MLX: variants seen among roughly 807,000 people sequenced by gnomAD.
MLX encodes the protein MAX dimerization protein MLX, also known as max-like protein X.
A neutral mutation model predicts 33.0 loss-of-function variants in MLX; 15 were observed. That is an observed-to-expected ratio of 0.45 (90% CI 0.30 to 0.70). The LOEUF is 0.70. Ranked by LOEUF, MLX falls within the 30% of genes least tolerant of loss-of-function variation. The pLI is 0.07. For missense variants in MLX, 285 were observed against 306.3 expected (o/e 0.93, Z 0.52); for synonymous variants, 115 against 115.6 (o/e 0.99, Z 0.03).
At chr17:42,567,468 C>A in intron 1 of MLX, 151 bp from the exon 2 acceptor site, 1 of 1,421,158 alleles carries the variant, frequency 7.0e-7, no homozygotes, top group African/African-American at 1.4e-5. Context: ...ATTAAGCTGC[C>A]CGCGCACCCC....
At chr17:42,569,631 A>G in intron 6 of MLX, 25 bp downstream of exon 6, 1 of 1,581,884 alleles carries the variant, frequency 6.3e-7, no homozygotes, top group Non-Finnish European at 8.7e-7. Flanking sequence ...GAATGGGGGG[A>G]ACCAGAACTT....
rs1567910946 is a variant in MLX at position 42,572,492 on chromosome 17, A to G, written c.*889A>G. 2.2e-6 allele frequency: 1 copy of G among 454,368 alleles called. No individual in the cohort carries two copies. Among genetic ancestry groups the G allele is most frequent in the Admixed American group, 2.4e-5 (1 of 42,552 alleles). 28.1% of individuals were successfully genotyped at this position (454,368 alleles called of 1,614,324 possible). On this transcript the variant is annotated 3_prime_UTR_variant, in exon 8 of 8. Transcript: ENST00000435881. ...GGGTGGGGTGAAAAGCGTACAAAAG[A>G]TACTTAAAAGGGCTCCTGGGGTACA...
chr17:42,569,385 G>T (rs544151222), intron 5 of MLX, 82 bp downstream of exon 5: 1 of 1,522,740 alleles, frequency 6.6e-7, no homozygotes, highest in Non-Finnish European at 9.1e-7. Flanking sequence ...CCCATGGCTC[G>T]GCCTTGGTGT....
In MLX at chr17:42,567,112, C is replaced by A. The variant is rs751670176; in HGVS notation, c.-13C>A. On this transcript the variant is annotated 5_prime_UTR_variant, in exon 1 of 8. Transcript: ENST00000435881. ...CCCGCCCGCTGGCCCGTTTCCGGTCCGGTGGGTACAAGATGACGGAGCCGG... is the reference window on the plus strand; with the variant it reads ...CCCGCCCGCTGGCCCGTTTCCGGTCAGGTGGGTACAAGATGACGGAGCCGG... The A allele has an allele frequency of 2.4e-6, 3 of 1,245,518 alleles. No homozygotes were observed. Among genetic ancestry groups the A allele is most frequent in the African/African-American group, 1.5e-5 (1 of 64,634 alleles). 77.2% of individuals were successfully genotyped at this position (1,245,518 alleles called of 1,614,324 possible).
chr17:42,571,706 T>C lies in MLX; in HGVS notation c.*103T>C. ...GAGACTGGACTACAACACCTCACAC[T>C]GGTCAGCTGGTTTCTACTTGGTGTT... On this transcript the variant is annotated 3_prime_UTR_variant, in exon 8 of 8. Coordinates refer to ENST00000435881, the MANE Select transcript of MLX (RefSeq NM_198204.2). The C allele has an allele frequency of 9.4e-7, 1 of 1,063,564 alleles. No individual in the cohort carries two copies. Among genetic ancestry groups the C allele is most frequent in the South Asian group, 1.3e-5 (1 of 78,734 alleles). 65.9% of individuals were successfully genotyped at this position (1,063,564 alleles called of 1,614,324 possible).
Position 42,567,249 on chromosome 17 carries a change from C to T in MLX, c.42+83C>T, listed in dbSNP as rs754281479. On this transcript the variant is annotated intron_variant, in intron 1 of 7. Transcript: ENST00000435881. ...AGGGGGGCCGGAAGACGAGGGGCTT[C>T]CCTCCTGTCCCCAAAGTCCCCCACG... 86 of 1,324,890 alleles carry T rather than the reference C, an allele frequency of 6.5e-5. No individual in the cohort carries two copies. Among genetic ancestry groups the T allele is most frequent in the Non-Finnish European group, 8.0e-5 (83 of 1,031,128 alleles). 82.1% of individuals were successfully genotyped at this position (1,324,890 alleles called of 1,614,324 possible).
At position 42,572,208 on chromosome 17, in the gene MLX, C is replaced by A; in HGVS notation, c.*605C>A. 2 of 368,654 alleles carry A rather than the reference C, an allele frequency of 5.4e-6. No individual in the cohort carries two copies. The highest frequency in any genetic ancestry group is 1.1e-5 in the Non-Finnish European group (2 of 188,070). 22.8% of individuals were successfully genotyped at this position (368,654 alleles called of 1,614,324 possible). A position where few individuals can be genotyped will look rare whatever the true frequency, so the allele number is the denominator to read the frequency against. On this transcript the variant is annotated 3_prime_UTR_variant, in exon 8 of 8. Coordinates refer to ENST00000435881, the MANE Select transcript of MLX (RefSeq NM_198204.2). ...GGCCACCAGGTTCCTCCCCTCACCC[C>A]ATATTCCATCACCTTCCTCCTCTGC...
At chr17:42,568,350 G>C (rs2093017297) in intron 2 of MLX, 120 bp from the exon 3 acceptor site, 1 of 650,874 alleles carries the variant, frequency 1.5e-6, no homozygotes, top group South Asian at 1.9e-5. Flanking sequence ...GCGACTGAGC[G>C]AGACTCTGTC....
In MLX at chr17:42,571,788, A is replaced by C. The variant is rs367596347; in HGVS notation, c.*185A>C. On this transcript the variant is annotated 3_prime_UTR_variant, in exon 8 of 8. Transcript: ENST00000435881. Reference sequence around the variant, plus strand: ...GGAGCCGCGGTGTTTGTTTTGTGAAAGCTTCTGATTAATTTATTATATTGA... The same window carrying C: ...GGAGCCGCGGTGTTTGTTTTGTGAACGCTTCTGATTAATTTATTATATTGA... The C allele has an allele frequency of 2.1e-5, 13 of 614,606 alleles. No individual in the cohort carries two copies. The African/African-American group carries it at 2.4e-4, about 11-fold the overall frequency. 38.1% of individuals were successfully genotyped at this position (614,606 alleles called of 1,614,324 possible). A position where few individuals can be genotyped will look rare whatever the true frequency, so the allele number is the denominator to read the frequency against.
Position 42,567,129 on chromosome 17 carries a change from C to T in MLX, c.5C>T (p.Thr2Met), listed in dbSNP as rs935353558. 4.0e-6 allele frequency: 5 copies of T among 1,259,244 alleles called. No individual in the cohort carries two copies. Among genetic ancestry groups the T allele is most frequent in the Admixed American group, 3.8e-5 (1 of 26,458 alleles). The allele number at this position is 1,259,244 out of a possible 1,614,324, so 78.0% of individuals were successfully genotyped here. A position where few individuals can be genotyped will look rare whatever the true frequency, so the allele number is the denominator to read the frequency against. M[T>M]EPGASPEDPW... Reference sequence around the variant, plus strand: ...TTCCGGTCCGGTGGGTACAAGATGACGGAGCCGGGCGCCTCTCCCGAGGAC... The same window carrying T: ...TTCCGGTCCGGTGGGTACAAGATGATGGAGCCGGGCGCCTCTCCCGAGGAC... The change falls in exon 1 of 8, where the codon ACG becomes ATG. Residue 2 changes from threonine to methionine, a missense_variant. Transcript: ENST00000435881.
At chr17:42,567,383 T>G in intron 1 of MLX, 2 of 1,396,452 alleles carry the variant, frequency 1.4e-6, no homozygotes, top group Non-Finnish European at 1.9e-6. Flanking sequence ...GGCACTGGGG[T>G]GGAGTAGGGG....
Position 42,569,090 on chromosome 17 carries a change from C to T in MLX, c.277-114C>T, listed in dbSNP as rs539158836. On this transcript the variant is annotated intron_variant, in intron 4 of 7. Coordinates refer to ENST00000435881, the MANE Select transcript of MLX (RefSeq NM_198204.2). The stretch of plus-strand genomic sequence containing the variant: ...CAGGCACAAACACCTCCCTTGCAGC[C>T]TTCCCACCCCATTGAGTTTGTGAGC... The T allele has an allele frequency of 6.1e-5, 78 of 1,284,748 alleles. No individual in the cohort carries two copies. The Admixed American group carries it at 7.7e-4, about 13-fold the overall frequency. 79.6% of individuals were successfully genotyped at this position (1,284,748 alleles called of 1,614,324 possible).
chr17:42,568,792 C>G (rs1292440316), intron 3 of MLX, 45 bp from the exon 4 acceptor site: 4 of 1,521,080 alleles, frequency 2.6e-6, no homozygotes, highest in East Asian at 2.4e-5. Context: ...CTGGACCCCA[C>G]TGGGCCCCAA....
At chr17:42,569,124 T>C in intron 4 of MLX, 80 bp from the exon 5 acceptor site, 1 of 1,406,302 alleles carries the variant, frequency 7.1e-7, no homozygotes, top group South Asian at 1.2e-5. Context: ...GCATAGAACT[T>C]GGTGTCATGG....
rs570201251 is a variant in MLX at position 42,567,175 on chromosome 17, C to T, written c.42+9C>T. On this transcript the variant is annotated intron_variant, in intron 1 of 7. Coordinates refer to ENST00000435881, the MANE Select transcript of MLX (RefSeq NM_198204.2). ...AGGACCCTTGGGTCAAGGCAAGCCCCGTGGGCGCGCACGCCGGCGAGGGGA... is the reference window on the plus strand; with the variant it reads ...AGGACCCTTGGGTCAAGGCAAGCCCTGTGGGCGCGCACGCCGGCGAGGGGA... 4 of 1,295,578 alleles carry T rather than the reference C, an allele frequency of 3.1e-6. No individual in the cohort carries two copies. The African/African-American group carries it at 4.6e-5, about 15-fold the overall frequency. 80.3% of individuals were successfully genotyped at this position (1,295,578 alleles called of 1,614,324 possible). A position where few individuals can be genotyped will look rare whatever the true frequency, so the allele number is the denominator to read the frequency against.
intron 2 of MLX, 56 bp from the exon 3 acceptor site, chr17:42,568,414 G>A (rs1254623685): frequency 1.1e-5 from 13 of 1,225,684 alleles, no homozygotes; most frequent in Middle Eastern, 1.9e-4. Context: ...AGGTGTCTGA[G>A]GGTCTGGCAA....
At position 42,572,528 on chromosome 17, in the gene MLX, A is replaced by G. The variant is rs755493694; in HGVS notation, c.*925A>G. 17 of 454,326 alleles carry G rather than the reference A, an allele frequency of 3.7e-5. No homozygotes were observed. The highest frequency in any genetic ancestry group is 6.8e-4 in the Middle Eastern group (1 of 1,464). The allele number at this position is 454,326 out of a possible 1,614,324, so 28.1% of individuals were successfully genotyped here. On this transcript the variant is annotated 3_prime_UTR_variant, in exon 8 of 8. Coordinates refer to ENST00000435881, the MANE Select transcript of MLX (RefSeq NM_198204.2). ...GGCTCCTGGGGTACACAAGCCCAGCAGGTCCTGAGTGAAGCCGTGGGCCCT... is the reference window on the plus strand; with the variant it reads ...GGCTCCTGGGGTACACAAGCCCAGCGGGTCCTGAGTGAAGCCGTGGGCCCT...
At chr17:42,567,914 G>A (rs1459189979) in intron 2 of MLX, 18 of 564,686 alleles carry the variant, frequency 3.2e-5, no homozygotes, top group Non-Finnish European at 5.1e-5. Context: ...CCCTCATCAC[G>A]TCCACATGCC....
intron 7 of MLX, 22 bp downstream of exon 7, chr17:42,570,205 A>C: frequency 6.2e-7 from 1 of 1,611,210 alleles, no homozygotes; most frequent in Non-Finnish European, 8.5e-7. Context: ...CAATAGGCAC[A>C]GGGTCTGCGG....
Sources: gnomAD v4.1 joint callset for allele counts on GRCh38, gnomAD v4.1.1 for gene constraint, MANE v1.5 for transcripts, NCBI Gene and HGNC (gene_info 2026-07-23, HGNC 2026-07-21) for gene names.